LURAP1: variants seen among roughly 807,000 people sequenced by gnomAD.
LURAP1 encodes NF-kappa-B activator C1orf190.
In LURAP1, 14 loss-of-function variants were observed where a neutral mutation model predicts 19.0. The observed-to-expected ratio is 0.74, with a 90% confidence interval of 0.49 to 1.15. The LOEUF (loss-of-function observed/expected upper bound fraction) is 1.15, where lower values mean the gene tolerates loss of function less well. Ranked by LOEUF, LURAP1 falls within the 50% of genes most tolerant of loss-of-function variation. The pLI, the probability that LURAP1 is intolerant of heterozygous loss-of-function variation, is 0.00. For synonymous variants in LURAP1, 129 were observed against 131.8 expected (o/e 0.98, Z 0.14); for missense variants, 273 against 309.1 (o/e 0.88, Z 0.87).
At chr1:46,206,777 G>A (rs1658730182) in intron 1 of LURAP1, among the ~76,000 whole-genome samples, 4 of 152,160 alleles carry the variant, frequency 2.6e-5, no homozygotes. Flanking sequence ...GATAGTAAAG[G>A]CAAGAGAATC....
intron 1 of LURAP1, among the ~76,000 whole-genome samples, chr1:46,217,898 T>A: frequency 6.6e-6 from 1 of 151,942 alleles, no homozygotes; most frequent in East Asian, 1.9e-4. Flanking sequence ...TCTTATATAG[T>A]GTGGGAAATC....
chr1:46,209,782 A>G (rs1006419796), intron 1 of LURAP1, among the ~76,000 whole-genome samples: 1 of 152,074 alleles, frequency 6.6e-6, no homozygotes, highest in Non-Finnish European at 1.5e-5. Flanking sequence ...AAGTGCTGGG[A>G]TTACAAGCAT....
intron 1 of LURAP1, among the ~76,000 whole-genome samples, chr1:46,206,004 G>A (rs921966636): frequency 6.6e-6 from 1 of 152,210 alleles, no homozygotes; most frequent in African/African-American, 2.4e-5. Context: ...CGTCCCTCCT[G>A]CTTTCTTCCT....
intron 1 of LURAP1, among the ~76,000 whole-genome samples, chr1:46,212,454 TG>T (rs1227224429): frequency 6.6e-6 from 1 of 151,694 alleles, no homozygotes; most frequent in South Asian, 2.1e-4. Context: ...CGAATTTTTT[TG>T]TATTTTTAAC....
At chr1:46,215,697 G>A (rs1470044098) in intron 1 of LURAP1, among the ~76,000 whole-genome samples, 1 of 152,146 alleles carries the variant, frequency 6.6e-6, no homozygotes, top group Non-Finnish European at 1.5e-5. Context: ...TCAGGAGTTT[G>A]AGACCAGCCT....
intron 1 of LURAP1, among the ~76,000 whole-genome samples, chr1:46,212,492 A>G (rs1392230680): frequency 3.3e-5 from 5 of 151,976 alleles, no homozygotes; most frequent in Non-Finnish European, 5.9e-5. Flanking sequence ...CGTGTTAGCC[A>G]GGATGGTCTT....
chr1:46,213,409 A>G (rs1658966036), intron 1 of LURAP1, among the ~76,000 whole-genome samples: 1 of 139,588 alleles, frequency 7.2e-6, no homozygotes, highest in South Asian at 2.3e-4. Flanking sequence ...TTACCCTGTC[A>G]TATTTGCACG....
At position 46,203,619 on chromosome 1, in the gene LURAP1, G is replaced by C; in HGVS notation, c.193G>C (p.Glu65Gln). 1.2e-6 allele frequency: 2 copies of C among 1,602,062 alleles called. No homozygotes were observed. Among genetic ancestry groups the C allele is most frequent in the Non-Finnish European group, 1.7e-6 (2 of 1,175,678 alleles). Residue 65 changes from glutamate (E) to glutamine (Q), a missense_variant, in exon 1 of 2, where the codon GAG (glutamate) becomes CAG (glutamine). By Grantham distance (29) the Glu-to-Gln change is conservative. Coordinates refer to ENST00000371980, the MANE Select transcript of LURAP1 (RefSeq NM_001013615.3). ...LGDKIMALKM[E>Q]LAYLRAIDVK... Reference sequence around the variant, plus strand: ...GGACAAGATCATGGCGCTGAAGATGGAGCTGGTGAGTGCTGAATCCATGGG... The same window carrying C: ...GGACAAGATCATGGCGCTGAAGATGCAGCTGGTGAGTGCTGAATCCATGGG...
rs1447176763 is a variant in LURAP1 at position 46,220,406 on chromosome 1, C to G, written c.*186C>G. 1 of 611,072 alleles carries G rather than the reference C, an allele frequency of 1.6e-6. No homozygotes were observed. The highest frequency in any genetic ancestry group is 2.8e-6 in the Non-Finnish European group (1 of 360,564). 37.9% of individuals were successfully genotyped at this position (611,072 alleles called of 1,614,324 possible). ...TGCCTTTATCCCTCAATTATTGGGTCCCTAGAGCTAGCTTGCTCTTTCTTT... is the reference window on the plus strand; with the variant it reads ...TGCCTTTATCCCTCAATTATTGGGTGCCTAGAGCTAGCTTGCTCTTTCTTT... On this transcript the variant is annotated 3_prime_UTR_variant, in exon 2 of 2. Coordinates refer to ENST00000371980, the MANE Select transcript of LURAP1 (RefSeq NM_001013615.3).
chr1:46,209,235 G>A (rs934030427), intron 1 of LURAP1, among the ~76,000 whole-genome samples: 1 of 152,124 alleles, frequency 6.6e-6, no homozygotes, highest in Non-Finnish European at 1.5e-5. Context: ...TGTTGGTCAG[G>A]CTGGTCTCGA....
At chr1:46,207,508 G>A (rs1214581873) in intron 1 of LURAP1, among the ~76,000 whole-genome samples, 1 of 151,500 alleles carries the variant, frequency 6.6e-6, no homozygotes, top group African/African-American at 2.4e-5. Context: ...TTCCACTAGC[G>A]TTTGCCACAC....
chr1:46,210,355 C>T (rs991368248), intron 1 of LURAP1, among the ~76,000 whole-genome samples: 13 of 152,050 alleles, frequency 8.5e-5, no homozygotes, highest in African/African-American at 3.1e-4. Flanking sequence ...AGGATTTCTT[C>T]CCACCAGCAA....
chr1:46,213,949 A>G (rs1295700064), intron 1 of LURAP1, among the ~76,000 whole-genome samples: 2 of 152,154 alleles, frequency 1.3e-5, no homozygotes, highest in East Asian at 3.8e-4. Context: ...CAAGCTTCAT[A>G]CATACACGGT....
At chr1:46,206,512 G>T (rs1223520242) in intron 1 of LURAP1, among the ~76,000 whole-genome samples, 1 of 152,070 alleles carries the variant, frequency 6.6e-6, no homozygotes, top group African/African-American at 2.4e-5. Flanking sequence ...AAGGAGAATT[G>T]GGTTTGGAGT....
chr1:46,219,469 G>A (rs1659165093), intron 1 of LURAP1, among the ~76,000 whole-genome samples: 1 of 152,168 alleles, frequency 6.6e-6, no homozygotes, highest in African/African-American at 2.4e-5. Context: ...ATTTAATCCT[G>A]TTTTACAAAC....
chr1:46,219,637 T>C, intron 1 of LURAP1, 62 bp from the exon 2 acceptor site: 2 of 1,502,078 alleles, frequency 1.3e-6, no homozygotes, highest in Non-Finnish European at 1.8e-6. Context: ...TAGTGGCCTG[T>C]GGAAACGCTG....
chr1:46,213,135 A>G (rs1248385986), intron 1 of LURAP1, among the ~76,000 whole-genome samples: 1 of 152,040 alleles, frequency 6.6e-6, no homozygotes, highest in Non-Finnish European at 1.5e-5. Flanking sequence ...ATTTATGTGT[A>G]TATAAGTGTG....
intron 1 of LURAP1, among the ~76,000 whole-genome samples, chr1:46,209,537 C>CTTTTTT (rs55948355): frequency 7.2e-6 from 1 of 139,820 alleles, no homozygotes; most frequent in Non-Finnish European, 1.5e-5. Context: ...TTGTTGTTTT[C>CTTTTTT]TTTTTTTTTT....
intron 1 of LURAP1, among the ~76,000 whole-genome samples, chr1:46,208,555 G>T: frequency 6.6e-6 from 1 of 152,106 alleles, no homozygotes; most frequent in South Asian, 2.1e-4. Context: ...CAAGATACCA[G>T]ATTGAGGGCC....
Sources: allele counts gnomAD v4.1 joint callset (sites outside exome capture counted in the v4.1 genomes callset), GRCh38; gene constraint gnomAD v4.1.1; transcripts MANE v1.5; gene names NCBI Gene and HGNC (gene_info 2026-07-23, HGNC 2026-07-21).